Variants in ZNF564 observed in about 807,000 individuals in gnomAD.
ZNF564 encodes zinc finger protein 564.
ZNF564 carries 5 observed loss-of-function variants against 10.5 expected under a neutral mutation model. The observed-to-expected ratio is 0.48, with a 90% confidence interval of 0.25 to 1.00. The LOEUF (loss-of-function observed/expected upper bound fraction) is 1.00. Ranked by LOEUF, ZNF564 falls within the 50% of genes least tolerant of loss-of-function variation. The pLI is 0.16. For synonymous variants in ZNF564, 242 were observed against 218.1 expected, an observed-to-expected ratio of 1.11 and a Z score of -0.97; for missense variants, 603 against 669.7, an observed-to-expected ratio of 0.90 and a Z score of 1.10.
chr19:12,544,997 G>A lies in ZNF564; in HGVS notation c.3+6333C>T, dbSNP rs1041548122. On this transcript the variant is annotated intron_variant, in intron 1 of 3. Coordinates refer to ENST00000339282, the MANE Select transcript of ZNF564 (RefSeq NM_144976.4). ...GAGGGAGCCGGGTGTGGTGGCTCAT[G>A]CTTGTAATCCCAGCACTTTGGGAGG... 2.0e-5 allele frequency among the ~76,000 whole-genome samples: 3 copies of A among 152,178 alleles called. No homozygotes were observed. In the East Asian group the frequency reaches 5.8e-4, roughly 29 times the overall value.
chr19:12,548,982 C>T (rs2022203735), intron 1 of ZNF564: 1 of 664,328 alleles, frequency 1.5e-6, no homozygotes, highest in Non-Finnish European at 2.7e-6. Flanking sequence ...AGATTCTTAT[C>T]CGCAGTAGCA....
At chr19:12,546,345 C>A (rs1271309668) in intron 1 of ZNF564, among the ~76,000 whole-genome samples, 1 of 152,192 alleles carries the variant, frequency 6.6e-6, no homozygotes, top group Admixed American at 6.5e-5. Flanking sequence ...TCCACCACCA[C>A]CACCACCCTT....
chr19:12,535,749 C>T (rs1898651387), intron 1 of ZNF564, among the ~76,000 whole-genome samples: 3 of 152,282 alleles, frequency 2.0e-5, no homozygotes, highest in Admixed American at 1.3e-4. Context: ...GGTGCGGTGG[C>T]TCACGCCTGT....
At chr19:12,551,222 C>G in intron 1 of ZNF564, 108 bp downstream of exon 1, 1 of 1,333,908 alleles carries the variant, frequency 7.5e-7, no homozygotes, top group East Asian at 2.5e-5. Flanking sequence ...ACTCGGGTCC[C>G]AGACCCTGGA....
intron 1 of ZNF564, among the ~76,000 whole-genome samples, chr19:12,537,738 C>CA (rs56173239): frequency 0.61 from 69,584 of 114,154 alleles, 19,588 homozygotes; most frequent in Admixed American, 0.68. Flanking sequence ...AACTCCGTCT[C>CA]AAAAAAAAAA....
At chr19:12,528,743 G>A in intron 1 of ZNF564, 47 bp from the exon 2 acceptor site, 1 of 1,572,988 alleles carries the variant, frequency 6.4e-7, no homozygotes. Flanking sequence ...TGAGATGACA[G>A]TACAGGGATG....
chr19:12,537,835 A>G (rs1312641825), intron 1 of ZNF564, among the ~76,000 whole-genome samples: 1 of 152,108 alleles, frequency 6.6e-6, no homozygotes, highest in Non-Finnish European at 1.5e-5. Flanking sequence ...AGATTTTTGC[A>G]GGTTCCATTT....
intron 1 of ZNF564, among the ~76,000 whole-genome samples, chr19:12,549,825 G>T (rs1262577154): frequency 1.3e-5 from 2 of 152,172 alleles, no homozygotes; most frequent in Non-Finnish European, 2.9e-5. Flanking sequence ...TCCTCCAAGA[G>T]AAGTGGCAGC....
chr19:12,540,753 C>T (rs1234015720), intron 1 of ZNF564, among the ~76,000 whole-genome samples: 1 of 151,984 alleles, frequency 6.6e-6, no homozygotes, highest in Non-Finnish European at 1.5e-5. Flanking sequence ...ACTCGGGAGG[C>T]TGAGGCAGAA....
chr19:12,537,874 A>G lies in ZNF564; in HGVS notation c.4-9178T>C, dbSNP rs551220544. 4.6e-5 allele frequency among the ~76,000 whole-genome samples: 7 copies of G among 152,146 alleles called. No individual in the cohort carries two copies. In the South Asian group the frequency reaches 1.0e-3, roughly 23 times the overall value. ...TGCTACCAATTTGCTTAATTCATTT[A>G]TTACTTCTAAGTGCGTGTGTGGGGT... On this transcript the variant is annotated intron_variant, in intron 1 of 3. Transcript: ENST00000339282.
At chr19:12,551,309 C>A in intron 1 of ZNF564, 21 bp downstream of exon 1, 2 of 1,605,254 alleles carry the variant, frequency 1.2e-6, no homozygotes, top group Non-Finnish European at 8.5e-7. Flanking sequence ...AGTCTCCAGG[C>A]GCCCGGCCCC....
intron 1 of ZNF564, among the ~76,000 whole-genome samples, chr19:12,533,877 TAA>T (rs35579657): frequency 6.7e-5 from 9 of 135,044 alleles, no homozygotes; most frequent in African/African-American, 1.4e-4. Context: ...CAATAGAGAT[TAA>T]AAAAAAAAAA....
Position 12,526,627 on chromosome 19 carries a change from A to T in ZNF564, c.1481T>A (p.Ile494Lys), listed in dbSNP as rs754936722. ...KAFNYASSIR[I>K]HERTHTGEKP... ...TTCTCCGGTATGAGTTCTTTCATGTATTCTAATGGAACTGGCATAATTGAA... is the reference window on the plus strand; with the variant it reads ...TTCTCCGGTATGAGTTCTTTCATGTTTTCTAATGGAACTGGCATAATTGAA... The change falls in exon 4 of 4, where the codon ATA becomes AAA. Residue 494 changes from isoleucine (I) to lysine (K), a missense_variant. Coordinates refer to ENST00000339282, the MANE Select transcript of ZNF564 (RefSeq NM_144976.4). 1 of 1,614,002 alleles carries T rather than the reference A, an allele frequency of 6.2e-7. No homozygotes were observed.
intron 1 of ZNF564, among the ~76,000 whole-genome samples, chr19:12,543,252 A>G (rs1209630463): frequency 6.7e-6 from 1 of 148,178 alleles, no homozygotes; most frequent in South Asian, 2.2e-4. Context: ...CAGTGAGCTG[A>G]TATCACACCA....
intron 3 of ZNF564, 133 bp from the exon 4 acceptor site, chr19:12,528,049 G>T: frequency 9.7e-7 from 1 of 1,034,936 alleles, no homozygotes; most frequent in Non-Finnish European, 1.4e-6. Context: ...AAAGTGAATG[G>T]ATGGAATGCT....
At chr19:12,533,881 A>G (rs2021858119) in intron 1 of ZNF564, among the ~76,000 whole-genome samples, 1 of 151,948 alleles carries the variant, frequency 6.6e-6, no homozygotes, top group South Asian at 2.1e-4. Flanking sequence ...AGAGATTAAA[A>G]AAAAAAAACA....
Position 12,526,423 on chromosome 19 carries a change from GA to G in ZNF564, c.*22del. Reference sequence around the variant, plus strand: ...ACTTTCCATATTCTTTAGATATGTAGATACTTGTAGACCTGTCCTCCACTAT... The same window carrying G: ...ACTTTCCATATTCTTTAGATATGTAGTACTTGTAGACCTGTCCTCCACTAT... On this transcript the variant is annotated 3_prime_UTR_variant, in exon 4 of 4. Transcript: ENST00000339282. 6.5e-7 allele frequency: 1 copy of G among 1,538,750 alleles called. No homozygotes were observed. Among genetic ancestry groups the G allele is most frequent in the Non-Finnish European group, 8.7e-7 (1 of 1,147,870 alleles).
chr19:12,531,100 A>G (rs2021790481), intron 1 of ZNF564, among the ~76,000 whole-genome samples: 1 of 152,182 alleles, frequency 6.6e-6, no homozygotes, highest in South Asian at 2.1e-4. Flanking sequence ...GCCTCTTACA[A>G]AATATTTTTT....
rs367560687 is a variant in ZNF564 at position 12,533,832 on chromosome 19, G to A, written c.4-5136C>T. Among the ~76,000 whole-genome samples, 9 of 141,912 alleles carry A rather than the reference G, an allele frequency of 6.3e-5. No individual in the cohort carries two copies. In the East Asian group the frequency reaches 1.8e-3, roughly 29 times the overall value. The allele number at this position is 141,912 out of a possible 152,430, so 93.1% of individuals were successfully genotyped here. ...ACCCAAGTAAGCAGACAGACAGACA[G>A]AATAATTGGAGAAGTCAATGAAATG... On this transcript the variant is annotated intron_variant, in intron 1 of 3. Transcript: ENST00000339282.
Sources: gnomAD v4.1 joint callset for allele counts (sites outside exome capture counted in the v4.1 genomes callset) on GRCh38, gnomAD v4.1.1 for gene constraint, MANE v1.5 for transcripts, NCBI Gene and HGNC (gene_info 2026-07-23, HGNC 2026-07-21) for gene names.